PLCB1: variants seen among roughly 807,000 people sequenced by gnomAD.
The protein encoded by PLCB1 is 1-phosphatidylinositol 4,5-bisphosphate phosphodiesterase beta-1.
In PLCB1, 46 loss-of-function variants were observed where a neutral mutation model predicts 161.8. The observed-to-expected ratio is 0.28, with a 90% CI of 0.22 to 0.36. The LOEUF is 0.36. Ranked by LOEUF, PLCB1 falls within the 10% of genes least tolerant of loss-of-function variation. The probability of loss-of-function intolerance (pLI) is 1.00; values close to 1 mark genes in which losing one functional copy is unlikely to be tolerated. For synonymous variants in PLCB1, 517 were observed against 503.7 expected, an observed-to-expected ratio of 1.03 and a Z score of -0.35; for missense variants, 1,016 against 1,472.5, an observed-to-expected ratio of 0.69 and a Z score of 5.07.
chr20:8,157,812 G>C (rs945345997), intron 2 of PLCB1, among the ~76,000 whole-genome samples: 2 of 152,058 alleles, frequency 1.3e-5, no homozygotes, highest in African/African-American at 4.8e-5. Flanking sequence ...AGCTTCTTTG[G>C]AATCATTTTT....
chr20:8,819,298 C>A (rs1356274602), intron 31 of PLCB1, among the ~76,000 whole-genome samples: 1 of 152,128 alleles, frequency 6.6e-6, no homozygotes, highest in Non-Finnish European at 1.5e-5. Flanking sequence ...ATTGAAAGAA[C>A]TATTATTATT....
chr20:8,201,994 T>C (rs2052096321), intron 2 of PLCB1, among the ~76,000 whole-genome samples: 1 of 152,176 alleles, frequency 6.6e-6, no homozygotes, highest in Non-Finnish European at 1.5e-5. Context: ...ATGTCCAACA[T>C]GGTTAATATT....
intron 3 of PLCB1, among the ~76,000 whole-genome samples, chr20:8,624,953 G>A (rs1328328636): frequency 6.6e-6 from 1 of 152,100 alleles, no homozygotes; most frequent in Non-Finnish European, 1.5e-5. Context: ...ACTTGAGTAG[G>A]TAAATCCTTC....
intron 11 of PLCB1, among the ~76,000 whole-genome samples, chr20:8,700,429 A>G (rs765021153): frequency 4.7e-4 from 71 of 152,204 alleles, no homozygotes; most frequent in Non-Finnish European, 8.5e-4. Flanking sequence ...GTCAACTTGG[A>G]GTGACTCTCC....
At chr20:8,618,614 T>C (rs1430939888) in intron 3 of PLCB1, among the ~76,000 whole-genome samples, 1 of 152,218 alleles carries the variant, frequency 6.6e-6, no homozygotes, top group Non-Finnish European at 1.5e-5. Flanking sequence ...ACAATTTTTT[T>C]CTTATTGAAA....
At chr20:8,632,025 GTTTT>G (rs1257156959) in intron 4 of PLCB1, among the ~76,000 whole-genome samples, 1 of 79,834 alleles carries the variant, frequency 1.3e-5, no homozygotes, top group Non-Finnish European at 2.5e-5. Flanking sequence ...ACAAATATGG[GTTTT>G]TTTTGCTTTT....
intron 11 of PLCB1, among the ~76,000 whole-genome samples, chr20:8,702,581 C>A (rs1417037859): frequency 6.6e-6 from 1 of 152,148 alleles, no homozygotes; most frequent in Admixed American, 6.5e-5. Context: ...TCCAAATACA[C>A]CCTACTGTTG....
chr20:8,316,440 A>G (rs925796395), intron 2 of PLCB1, among the ~76,000 whole-genome samples: 1 of 152,124 alleles, frequency 6.6e-6, no homozygotes, highest in South Asian at 2.1e-4. Context: ...TCTTTATAGC[A>G]TACAATCAAT....
At chr20:8,324,418 G>T (rs1324999375) in intron 2 of PLCB1, among the ~76,000 whole-genome samples, 1 of 152,156 alleles carries the variant, frequency 6.6e-6, no homozygotes, top group African/African-American at 2.4e-5. Flanking sequence ...TGTATAGAGA[G>T]AGTAGGTGGA....
chr20:8,329,226 TACCAG>T (rs1985272664), intron 2 of PLCB1, among the ~76,000 whole-genome samples: 1 of 152,230 alleles, frequency 6.6e-6, no homozygotes, highest in African/African-American at 2.4e-5. Context: ...TTTGCTTTTC[TACCAG>T]ATGTGCTTGG....
At chr20:8,763,201 A>T (rs914981120) in intron 25 of PLCB1, among the ~76,000 whole-genome samples, 1 of 152,092 alleles carries the variant, frequency 6.6e-6, no homozygotes, top group African/African-American at 2.4e-5. Context: ...TAAAATACAG[A>T]TTAGTTTTGT....
intron 3 of PLCB1, among the ~76,000 whole-genome samples, chr20:8,373,826 T>C (rs1416614658): frequency 6.6e-6 from 1 of 152,092 alleles, no homozygotes; most frequent in Non-Finnish European, 1.5e-5. Flanking sequence ...TCAAAGGGGG[T>C]TGTGGATTGA....
intron 3 of PLCB1, among the ~76,000 whole-genome samples, chr20:8,545,826 A>G (rs1985518360): frequency 6.6e-6 from 1 of 152,158 alleles, no homozygotes; most frequent in African/African-American, 2.4e-5. Flanking sequence ...GCACACATTT[A>G]CCATATGTTA....
chr20:8,433,345 G>GA (rs142440374), intron 3 of PLCB1, among the ~76,000 whole-genome samples: 12,224 of 141,566 alleles, frequency 0.086, 628 homozygotes, highest in African/African-American at 0.12. Flanking sequence ...AAAATCTTGG[G>GA]AAAAATTATT....
intron 3 of PLCB1, among the ~76,000 whole-genome samples, chr20:8,405,907 G>A (rs748480818): frequency 1.7e-4 from 26 of 152,102 alleles, no homozygotes; most frequent in Non-Finnish European, 3.1e-4. Context: ...TGACATCTCT[G>A]CCCAAATCTG....
chr20:8,514,959 G>A (rs537836201), intron 3 of PLCB1, among the ~76,000 whole-genome samples: 1 of 152,244 alleles, frequency 6.6e-6, no homozygotes, highest in Admixed American at 6.5e-5. Context: ...GTACCCAGGT[G>A]ATAGTAATGC....
At chr20:8,483,753 C>T (rs1437770286) in intron 3 of PLCB1, among the ~76,000 whole-genome samples, 1 of 152,124 alleles carries the variant, frequency 6.6e-6, no homozygotes, top group Non-Finnish European at 1.5e-5. Flanking sequence ...TACAGAGCTG[C>T]AAATGAAGAC....
chr20:8,780,335 T>C (rs1438815524), intron 27 of PLCB1, among the ~76,000 whole-genome samples: 1 of 152,168 alleles, frequency 6.6e-6, no homozygotes, highest in Non-Finnish European at 1.5e-5. Flanking sequence ...GCCACAGATG[T>C]GCTCGACCCA....
chr20:8,506,482 G>A (rs938318063), intron 3 of PLCB1, among the ~76,000 whole-genome samples: 1 of 152,122 alleles, frequency 6.6e-6, no homozygotes, highest in African/African-American at 2.4e-5. Context: ...CTATTCCATA[G>A]ATATTGAACT....
Sources: allele counts gnomAD v4.1 joint callset (sites outside exome capture counted in the v4.1 genomes callset), GRCh38; gene constraint gnomAD v4.1.1; transcripts MANE v1.5; gene names NCBI Gene and HGNC (gene_info 2026-07-23, HGNC 2026-07-21).